Variants in SNX29 observed in about 807,000 individuals in gnomAD.
SNX29 encodes the protein sorting nexin-29.
SNX29 carries 78 observed loss-of-function variants against 102.1 expected under a neutral mutation model. That is an observed-to-expected ratio of 0.76 (90% CI 0.64 to 0.92). The LOEUF is 0.92. Among genes scored for constraint, SNX29 ranks in the 40% least tolerant of loss-of-function variants. The pLI is 0.00. For synonymous variants in SNX29, 580 were observed against 414.5 expected (o/e 1.40, Z -4.85); for missense variants, 1,280 against 1,061.7 (o/e 1.21, Z -2.86).
intron 19 of SNX29, among the ~76,000 whole-genome samples, chr16:12,486,547 G>A (rs879358260): frequency 1.3e-5 from 2 of 152,226 alleles, no homozygotes; most frequent in African/African-American, 4.8e-5. Flanking sequence ...GCTTGGCAGC[G>A]TCAAGGCTGA....
intron 14 of SNX29, among the ~76,000 whole-genome samples, chr16:12,235,308 G>A (rs1169316048): frequency 1.3e-5 from 2 of 152,136 alleles, no homozygotes; most frequent in Non-Finnish European, 2.9e-5. Flanking sequence ...GAGACCAGCT[G>A]GCACCAGGCA....
At chr16:12,218,086 T>G (rs1329507829) in intron 14 of SNX29, among the ~76,000 whole-genome samples, 1 of 151,828 alleles carries the variant, frequency 6.6e-6, no homozygotes, top group African/African-American at 2.4e-5. Context: ...CTCTATTATT[T>G]GCAATGATAA....
intron 19 of SNX29, among the ~76,000 whole-genome samples, chr16:12,487,436 A>G (rs1006530161): frequency 2.5e-4 from 38 of 152,178 alleles, no homozygotes; most frequent in Admixed American, 2.2e-3. Flanking sequence ...CAGGCTCCAT[A>G]TAAAGTGTTT....
chr16:12,009,654 G>T (rs1461177893), intron 3 of SNX29, among the ~76,000 whole-genome samples: 1 of 152,084 alleles, frequency 6.6e-6, no homozygotes, highest in Non-Finnish European at 1.5e-5. Flanking sequence ...CAGCCGCTGG[G>T]CTCTGAAATG....
At chr16:12,048,217 C>T (rs1234420122) in intron 6 of SNX29, among the ~76,000 whole-genome samples, 155 bp from the exon 7 acceptor site, 3 of 150,162 alleles carry the variant, frequency 2.0e-5, no homozygotes, top group East Asian at 3.9e-4. Context: ...GCGCGATTTT[C>T]GCTCCCTGCA....
intron 14 of SNX29, among the ~76,000 whole-genome samples, chr16:12,225,352 G>A (rs2077582457): frequency 6.6e-6 from 1 of 152,176 alleles, no homozygotes; most frequent in South Asian, 2.1e-4. Flanking sequence ...CCCACGTGTT[G>A]TGGGAGGATC....
At chr16:12,011,193 T>G (rs2056641365) in intron 3 of SNX29, among the ~76,000 whole-genome samples, 3 of 151,638 alleles carry the variant, frequency 2.0e-5, no homozygotes, top group Middle Eastern at 6.8e-3. Context: ...CTTGGGGTTT[T>G]TTTTTTTTTT....
chr16:12,129,988 C>T lies in SNX29; in HGVS notation c.1595+230C>T, dbSNP rs555526009. Among the ~76,000 whole-genome samples the T allele has an allele frequency of 3.3e-5, 5 of 150,894 alleles. No homozygotes were observed. The East Asian group carries it at 5.9e-4, about 18-fold the overall frequency. On this transcript the variant is annotated intron_variant, in intron 13 of 20. Coordinates refer to ENST00000566228, the MANE Select transcript of SNX29 (RefSeq NM_032167.5). ...GTGTGGTGGCGGGTGCCTGTAGTCC[C>T]AGCTACTTGGGAGGCTGAGGCAGGA...
At chr16:12,018,624 G>T (rs1344182281) in intron 3 of SNX29, among the ~76,000 whole-genome samples, 2 of 151,480 alleles carry the variant, frequency 1.3e-5, no homozygotes, top group African/African-American at 4.8e-5. Context: ...TTTTGTTACT[G>T]TTATGCATCA....
At chr16:12,473,421 C>T (rs1350308284) in intron 18 of SNX29, among the ~76,000 whole-genome samples, 1 of 152,140 alleles carries the variant, frequency 6.6e-6, no homozygotes, top group Non-Finnish European at 1.5e-5. Context: ...CAAAGAGGTG[C>T]CTGGGCTTCA....
At chr16:12,484,364 C>T (rs550729113) in intron 19 of SNX29, among the ~76,000 whole-genome samples, 9 of 152,326 alleles carry the variant, frequency 5.9e-5, no homozygotes, top group African/African-American at 1.9e-4. Context: ...GTGTGGACAC[C>T]TGCAGTGGCT....
Position 12,364,979 on chromosome 16 carries a change from C to T in SNX29, c.1899+8700C>T, listed in dbSNP as rs188926744. ...TGTTTGGTGTGCATTTTTTTCCTTG[C>T]ACCCTCTAGGCAGTCCTTATAATTT... On this transcript the variant is annotated intron_variant, in intron 16 of 20. Transcript: ENST00000566228. Among the ~76,000 whole-genome samples the T allele has an allele frequency of 7.6e-4, 115 of 152,092 alleles. 1 individual carries two copies. The highest frequency in any genetic ancestry group is 1.2e-3 in the Non-Finnish European group (80 of 68,022).
intron 13 of SNX29, among the ~76,000 whole-genome samples, chr16:12,152,257 T>C (rs2055333762): frequency 6.6e-6 from 1 of 151,902 alleles, no homozygotes; most frequent in Non-Finnish European, 1.5e-5. Flanking sequence ...CATGAAAAGA[T>C]TCACATCGTA....
intron 19 of SNX29, among the ~76,000 whole-genome samples, chr16:12,494,411 G>A (rs1043394670): frequency 1.5e-4 from 23 of 152,304 alleles, no homozygotes; most frequent in African/African-American, 5.3e-4. Flanking sequence ...ACTGAGAGAC[G>A]GGCATGGCCT....
intron 20 of SNX29, among the ~76,000 whole-genome samples, chr16:12,530,612 G>T (rs1328732743): frequency 1.3e-5 from 2 of 151,862 alleles, no homozygotes; most frequent in Non-Finnish European, 2.9e-5. Context: ...CTAGAGTGCA[G>T]TGGCGCAATC....
intron 18 of SNX29, among the ~76,000 whole-genome samples, chr16:12,462,016 T>TACACACAC (rs375061825): frequency 2.8e-3 from 180 of 65,158 alleles, no homozygotes; most frequent in East Asian, 0.017. Flanking sequence ...TATATATGTA[T>TACACACAC]ACACACACAC....
intron 18 of SNX29, among the ~76,000 whole-genome samples, chr16:12,413,201 T>G (rs1211088007): frequency 6.6e-6 from 1 of 152,092 alleles, no homozygotes; most frequent in African/African-American, 2.4e-5. Context: ...AGAAGGGGAA[T>G]GTGAAATAAT....
chr16:12,567,462 C>G (rs944733164), intron 20 of SNX29, among the ~76,000 whole-genome samples: 6 of 152,182 alleles, frequency 3.9e-5, no homozygotes, highest in Admixed American at 1.3e-4. Flanking sequence ...TATGTGTCCC[C>G]TTATCTAGCA....
chr16:12,367,781 G>C (rs1418454894), intron 16 of SNX29, among the ~76,000 whole-genome samples: 2 of 152,236 alleles, frequency 1.3e-5, no homozygotes, highest in Non-Finnish European at 2.9e-5. Flanking sequence ...TTTTAACTCA[G>C]CGCTTGGACA....
Sources: allele counts gnomAD v4.1 joint callset (sites outside exome capture counted in the v4.1 genomes callset), GRCh38; gene constraint gnomAD v4.1.1; transcripts MANE v1.5; gene names NCBI Gene and HGNC (gene_info 2026-07-23, HGNC 2026-07-21).